The following PCNX2 variants were observed in gnomAD, a reference collection of about 807,000 sequenced individuals.
The protein encoded by PCNX2 is pecanex-like protein 2.
Under a neutral mutation model 223.8 loss-of-function variants are expected in PCNX2, and 168 were observed. The observed-to-expected ratio is 0.75, with a 90% CI of 0.66 to 0.85. The LOEUF is 0.85. Ranked by LOEUF, PCNX2 falls within the 40% of genes least tolerant of loss-of-function variation. PCNX2 has a pLI of 0.00. For missense variants in PCNX2, 2,507 were observed against 2,675.5 expected (o/e 0.94, Z 1.39); for synonymous variants, 1,006 against 1,052.6 (o/e 0.96, Z 0.86).
rs555863562 is a variant in PCNX2, at chr1:233,156,278, T to C, written c.3517+4005A>G. Among the ~76,000 whole-genome samples the C allele has an allele frequency of 6.8e-4, 103 of 152,364 alleles. 1 individual carries two copies. The highest frequency in any genetic ancestry group is 2.4e-3 in the African/African-American group (101 of 41,590). ...CAGTCTGAATTTTATACCAAAATTA[T>C]TCGTTATCTCCACATTCTACCAAGT... On this transcript the variant is annotated intron_variant, in intron 19 of 33. Coordinates refer to ENST00000258229, the MANE Select transcript of PCNX2 (RefSeq NM_014801.4).
Position 233,258,961 on chromosome 1 carries a change from T to A in PCNX2, c.901A>T (p.Ser301Cys), listed in dbSNP as rs753233932. The change falls in exon 5 of 34, where the codon AGC becomes TGC. Residue 301 changes from serine (S) to cysteine (C), a missense_variant. Physicochemically the swap from Ser to Cys is moderately radical, Grantham distance 112. Transcript: ENST00000258229. Reference sequence around the variant, plus strand: ...CTCAGGCTGTCCTGAGGTGACTTGCTTTGTACCCGTTCCCTTATGGAGCCC... The same window carrying A: ...CTCAGGCTGTCCTGAGGTGACTTGCATTGTACCCGTTCCCTTATGGAGCCC... ...PRGSIRERVQ[S>C]KSPQDSLSSS... The A allele has an allele frequency of 1.2e-6, 2 of 1,613,958 alleles. No individual in the cohort carries two copies. The highest frequency in any genetic ancestry group is 2.2e-5 in the South Asian group (2 of 91,080).
At chr1:233,174,150 C>T (rs1186105452) in intron 17 of PCNX2, among the ~76,000 whole-genome samples, 1 of 96,638 alleles carries the variant, frequency 1.0e-5, no homozygotes. Context: ...TAATATATAA[C>T]ATATTTTATA....
chr1:233,278,336 C>T (rs1661018164), intron 1 of PCNX2, among the ~76,000 whole-genome samples: 1 of 152,224 alleles, frequency 6.6e-6, no homozygotes, highest in African/African-American at 2.4e-5. Flanking sequence ...GATGCTGACT[C>T]ACAGCAAGGC....
intron 25 of PCNX2, among the ~76,000 whole-genome samples, chr1:233,041,059 A>G (rs936569018): frequency 1.3e-5 from 2 of 152,000 alleles, no homozygotes; most frequent in Non-Finnish European, 2.9e-5. Context: ...CTTACACTCC[A>G]TGGCCAAGTA....
intron 15 of PCNX2, among the ~76,000 whole-genome samples, chr1:233,182,794 A>G (rs1419906973): frequency 1.3e-5 from 2 of 152,150 alleles, no homozygotes; most frequent in African/African-American, 4.8e-5. Context: ...AGTGCCCAGT[A>G]TAAGTTCCAC....
intron 21 of PCNX2, among the ~76,000 whole-genome samples, chr1:233,131,145 C>T (rs1454547167): frequency 6.6e-6 from 1 of 152,166 alleles, no homozygotes; most frequent in African/African-American, 2.4e-5. Context: ...AGGGGGGCTG[C>T]CAGGCTAACA....
chr1:233,132,506 C>A (rs1421311501), intron 21 of PCNX2, among the ~76,000 whole-genome samples: 1 of 152,184 alleles, frequency 6.6e-6, no homozygotes, highest in Non-Finnish European at 1.5e-5. Flanking sequence ...ACTCTTCTTA[C>A]TACAGGTATG....
At chr1:233,114,106 C>T (rs575405613) in intron 21 of PCNX2, among the ~76,000 whole-genome samples, 95 of 152,082 alleles carry the variant, frequency 6.2e-4, no homozygotes, top group African/African-American at 1.9e-3. Flanking sequence ...AAGATGATGA[C>T]GGCTATGACA....
At position 233,000,385 on chromosome 1, in the gene PCNX2, G is replaced by A. The variant is rs528200127; in HGVS notation, c.5248C>T (p.Arg1750Trp). The A allele has an allele frequency of 2.1e-5, 34 of 1,612,228 alleles. No individual in the cohort carries two copies. The highest frequency in any genetic ancestry group is 2.7e-5 in the Non-Finnish European group (32 of 1,178,880). ...TCGGCACCCTCGTCCACCACGTGCC[G>A]CAGGGTGAGCAGCTCTTCCTTGTTG... ...LSNKEELLTL[R>W]HVVDEGADEY... is the part of the protein sequence containing the mutation. Residue 1750 changes from arginine to tryptophan, a missense_variant, in exon 30 of 34, where the codon CGG becomes TGG. Around this residue, in one of 3 missense-constraint regions of PCNX2, gnomAD observed 1,372 missense variants for 1,509.4 expected, o/e 0.91. Coordinates refer to ENST00000258229, the MANE Select transcript of PCNX2 (RefSeq NM_014801.4). The surrounding 1 kb of genome is among the most constrained non-coding windows in gnomAD (Gnocchi z 4.6).
chr1:233,320,807 AATCTCATTAATTGAT>A, the PCNX2 span, among the ~76,000 whole-genome samples: 12,691 of 152,210 alleles, frequency 0.083, 580 homozygotes, highest in African/African-American at 0.094. Context: ...CAATATCAAA[AATCTCATTAATTGAT>A]ATCACTACCA....
At chr1:233,081,664 A>G (rs6424278) in intron 23 of PCNX2, among the ~76,000 whole-genome samples, 39,040 of 152,144 alleles carry the variant, frequency 0.26, 6,319 homozygotes, top group African/African-American at 0.45. Flanking sequence ...TTTGAGCTAT[A>G]AATGTTTTGT....
intron 15 of PCNX2, among the ~76,000 whole-genome samples, chr1:233,182,229 C>T (rs1379857251): frequency 6.6e-6 from 1 of 152,184 alleles, no homozygotes; most frequent in Non-Finnish European, 1.5e-5. Context: ...CAATGCAGCC[C>T]CCACTTGATG....
intron 15 of PCNX2, among the ~76,000 whole-genome samples, chr1:233,191,191 G>C (rs1680400496): frequency 6.6e-6 from 1 of 152,174 alleles, no homozygotes; most frequent in Non-Finnish European, 1.5e-5. Context: ...TGGGCGTTCA[G>C]CATTTGTCAA....
At chr1:233,245,923 A>AAAACAAACAAAC (rs113393986) in intron 8 of PCNX2, among the ~76,000 whole-genome samples, 1 of 151,896 alleles carries the variant, frequency 6.6e-6, no homozygotes, top group African/African-American at 2.4e-5. Context: ...CTCAAAAAAC[A>AAAACAAACAAAC]AAACAAACAA....
At chr1:233,206,088 G>C (rs1325565621) in intron 13 of PCNX2, among the ~76,000 whole-genome samples, 2 of 151,850 alleles carry the variant, frequency 1.3e-5, no homozygotes, top group African/African-American at 2.4e-5. Context: ...GATGAGAAGG[G>C]GCCACAGTAA....
At chr1:233,161,438 C>G in intron 17 of PCNX2, 75 bp from the exon 18 acceptor site, 1 of 1,280,476 alleles carries the variant, frequency 7.8e-7, no homozygotes, top group Admixed American at 1.9e-5. Flanking sequence ...GTAAATCAAG[C>G]AGCAGGACAT....
At chr1:233,294,994 T>C (rs1661985640) in intron 1 of PCNX2, among the ~76,000 whole-genome samples, 1 of 152,116 alleles carries the variant, frequency 6.6e-6, no homozygotes, top group African/African-American at 2.4e-5. Flanking sequence ...TATCCCAAGC[T>C]ACCCAGCTCT....
intron 1 of PCNX2, among the ~76,000 whole-genome samples, chr1:233,276,191 T>C (rs557788257): frequency 1.3e-5 from 2 of 152,326 alleles, no homozygotes; most frequent in South Asian, 2.1e-4. Flanking sequence ...ACCTTGAGGA[T>C]GTTATATTAA....
chr1:233,095,899 C>A (rs1449637630), intron 21 of PCNX2, 36 bp from the exon 22 acceptor site: 22 of 1,459,826 alleles, frequency 1.5e-5, no homozygotes, highest in Middle Eastern at 1.7e-4. Flanking sequence ...TCAGAGAGGA[C>A]AATGACAACA....
Sources: allele counts gnomAD v4.1 joint callset (sites outside exome capture counted in the v4.1 genomes callset), GRCh38; gene constraint gnomAD v4.1.1; regional missense constraint gnomAD v4.1.1; non-coding constraint Gnocchi (gnomAD v3.1); transcripts MANE v1.5; gene names NCBI Gene and HGNC (gene_info 2026-07-23, HGNC 2026-07-21).